DNAJC10: variants seen among roughly 807,000 people sequenced by gnomAD.
DNAJC10 encodes the protein DnaJ heat shock protein family (Hsp40) member C10, also known as endoplasmic reticulum disulfide reductase DNAJC10.
A neutral mutation model predicts 115.0 loss-of-function variants in DNAJC10; 101 were observed. The observed-to-expected ratio is 0.88, with a 90% CI of 0.75 to 1.04. The LOEUF (loss-of-function observed/expected upper bound fraction) is 1.04, where lower values mean the gene tolerates loss of function less well. Among genes scored for constraint, DNAJC10 ranks in the 50% least tolerant of loss-of-function variants. DNAJC10 has a pLI of 0.00. For synonymous variants in DNAJC10, 307 were observed against 301.5 expected (o/e 1.02, Z -0.19); for missense variants, 981 against 928.8 (o/e 1.06, Z -0.73).
chr2:182,762,593 A>G, intron 21 of DNAJC10, 89 bp from the exon 22 acceptor site: 1 of 1,336,180 alleles, frequency 7.5e-7, no homozygotes, highest in South Asian at 1.3e-5. Flanking sequence ...AAATTCTTAG[A>G]TTCAAAATGT....
At chr2:182,722,996 T>A (rs991343881) in intron 5 of DNAJC10, among the ~76,000 whole-genome samples, 13 of 150,380 alleles carry the variant, frequency 8.6e-5, no homozygotes, top group African/African-American at 3.2e-4. Context: ...TTATTACAGC[T>A]ACTTGATTTT....
intron 22 of DNAJC10, among the ~76,000 whole-genome samples, chr2:182,774,854 C>T (rs1231018933): frequency 6.6e-6 from 1 of 152,240 alleles, no homozygotes; most frequent in African/African-American, 2.4e-5. Flanking sequence ...TTCTCGCCCT[C>T]TGTGGGCTGC....
intron 4 of DNAJC10, among the ~76,000 whole-genome samples, chr2:182,721,230 G>A (rs758839621): frequency 3.5e-4 from 54 of 152,156 alleles, no homozygotes; most frequent in Non-Finnish European, 5.9e-4. Context: ...TAGTAAATAT[G>A]ATTTTTTTTC....
intron 5 of DNAJC10, among the ~76,000 whole-genome samples, chr2:182,722,674 C>T (rs1440460888): frequency 6.6e-6 from 1 of 152,120 alleles, no homozygotes; most frequent in African/African-American, 2.4e-5. Flanking sequence ...CGCGGTGGCT[C>T]ACACCTGTAT....
At position 182,777,330 on chromosome 2, in the gene DNAJC10, A is replaced by AT. The variant is rs1383382362; in HGVS notation, c.*202dup. 2.7e-6 allele frequency: 1 copy of AT among 367,392 alleles called. No individual in the cohort carries two copies. The highest frequency in any genetic ancestry group is 5.1e-6 in the Non-Finnish European group (1 of 196,882). 22.8% of individuals were successfully genotyped at this position (367,392 alleles called of 1,614,324 possible). On this transcript the variant is annotated 3_prime_UTR_variant, in exon 24 of 24. Transcript: ENST00000264065. Reference sequence around the variant, plus strand: ...TTCTGTAAAGGGCCGGTTTATAAATATTTTAGACTTTGCAGGCTATAATAT... The same window carrying AT: ...TTCTGTAAAGGGCCGGTTTATAAATATTTTTAGACTTTGCAGGCTATAATAT...
chr2:182,775,071 C>CTT (rs5836849), intron 22 of DNAJC10, among the ~76,000 whole-genome samples: 3 of 129,374 alleles, frequency 2.3e-5, no homozygotes, highest in African/African-American at 8.8e-5. Context: ...GTCAGTGATG[C>CTT]TTTTTTTTTT....
At chr2:182,770,464 A>G (rs1441633512) in intron 22 of DNAJC10, among the ~76,000 whole-genome samples, 2 of 152,168 alleles carry the variant, frequency 1.3e-5, no homozygotes, top group African/African-American at 4.8e-5. Context: ...ATATTCTTCC[A>G]TTTGTTTGTG....
At position 182,789,878 on chromosome 2, in the gene DNAJC10, T is replaced by C. The variant is rs1695019015; in HGVS notation, c.*12746T>C. 1 of 152,226 alleles carries C rather than the reference T, an allele frequency of 6.6e-6. No individual in the cohort carries two copies. Among genetic ancestry groups the C allele is most frequent in the African/African-American group, 2.4e-5 (1 of 41,458 alleles). 9.4% of individuals were successfully genotyped at this position (152,226 alleles called of 1,614,324 possible). On this transcript the variant is annotated 3_prime_UTR_variant, in exon 24 of 24. Coordinates refer to ENST00000264065, the MANE Select transcript of DNAJC10 (RefSeq NM_018981.4). ...GTATCCCAATGAGTGTGCGTTCATA[T>C]CCCATTGGAGTTTTGATTTGTACTT...
At chr2:182,772,607 A>G (rs1328799484) in intron 22 of DNAJC10, among the ~76,000 whole-genome samples, 1 of 152,020 alleles carries the variant, frequency 6.6e-6, no homozygotes, top group African/African-American at 2.4e-5. Flanking sequence ...TTGGTTTAAA[A>G]TCTGTTTTAT....
intron 14 of DNAJC10, among the ~76,000 whole-genome samples, chr2:182,750,479 G>A (rs138226392): frequency 6.6e-6 from 1 of 152,148 alleles, no homozygotes; most frequent in Non-Finnish European, 1.5e-5. Flanking sequence ...GTGAGAAAAG[G>A]AGCAGGTTTG....
In DNAJC10 at chr2:182,775,350, A is replaced by T. The variant is rs776465904; in HGVS notation, c.2300A>T (p.Asp767Val). 1.2e-6 allele frequency: 2 copies of T among 1,612,910 alleles called. No individual in the cohort carries two copies. The highest frequency in any genetic ancestry group is 1.7e-5 in the Admixed American group (1 of 59,964). The change falls in exon 23 of 24, where the codon GAT (aspartate) becomes GTT (valine). Residue 767 changes from aspartate to valine, a missense_variant. Asp to Val is a radical substitution (Grantham distance 152). Coordinates refer to ENST00000264065, the MANE Select transcript of DNAJC10 (RefSeq NM_018981.4). ...CAAGAAGAGCAGATAAATACCAGAG[A>T]TGCAAAAGCAATCGCTGCCTTAATA... is the stretch of plus-strand genomic sequence containing the variant. ...NFQEEQINTR[D>V]AKAIAALISE... is the part of the protein sequence containing the mutation.
At position 182,755,115 on chromosome 2, in the gene DNAJC10, T is replaced by G. The variant is rs1409084386; in HGVS notation, c.1653+11T>G. 1 of 1,490,728 alleles carries G rather than the reference T, an allele frequency of 6.7e-7. No individual in the cohort carries two copies. 92.3% of individuals were successfully genotyped at this position (1,490,728 alleles called of 1,614,324 possible). On this transcript the variant is annotated intron_variant, in intron 17 of 23. Transcript: ENST00000264065. ...TTGGAGTTCATAGAGGTATTTCAGA[T>G]TATAGACTATGTGACTAGAAATTTG...
At position 182,741,242 on chromosome 2, in the gene DNAJC10, G is replaced by A; in HGVS notation, c.1078-1G>A. 1.3e-6 allele frequency: 2 copies of A among 1,583,290 alleles called. No homozygotes were observed. Among genetic ancestry groups the A allele is most frequent in the Non-Finnish European group, 1.7e-6 (2 of 1,160,004 alleles). On this transcript the variant is annotated splice_acceptor_variant, in intron 12 of 23. Coordinates refer to ENST00000264065, the MANE Select transcript of DNAJC10 (RefSeq NM_018981.4). LOFTEE classifies it high-confidence loss of function. Reference sequence around the variant, plus strand: ...ATTTTGTTTTCTTTATCACTTTTAAGGATCGTTTGGCTCATCATCGGTGGC... The same window carrying A: ...ATTTTGTTTTCTTTATCACTTTTAAAGATCGTTTGGCTCATCATCGGTGGC...
At chr2:182,762,567 T>C (rs1056248473) in intron 21 of DNAJC10, 115 bp from the exon 22 acceptor site, 16 of 1,113,832 alleles carry the variant, frequency 1.4e-5, no homozygotes, top group African/African-American at 1.1e-4. Flanking sequence ...GTAGGAAGAA[T>C]TAAAGTTTTT....
At position 182,778,768 on chromosome 2, in the gene DNAJC10, A is replaced by G. The variant is rs1490315627; in HGVS notation, c.*1636A>G. The G allele has an allele frequency of 6.6e-6, 1 of 152,248 alleles. No individual in the cohort carries two copies. The highest frequency in any genetic ancestry group is 1.5e-5 in the Non-Finnish European group (1 of 68,042). 9.4% of individuals were successfully genotyped at this position (152,248 alleles called of 1,614,324 possible). The stretch of plus-strand genomic sequence containing the variant: ...AACACCAGCTTTTTGAATTATGATC[A>G]GTAATGGCAAGAGCCTTTCATTCTC... On this transcript the variant is annotated 3_prime_UTR_variant, in exon 24 of 24. Transcript: ENST00000264065.
chr2:182,766,560 G>A (rs1694418228), intron 22 of DNAJC10, among the ~76,000 whole-genome samples: 1 of 152,128 alleles, frequency 6.6e-6, no homozygotes, highest in Non-Finnish European at 1.5e-5. Context: ...TGGCTTTCTT[G>A]CTACCCACAG....
At position 182,722,997 on chromosome 2, in the gene DNAJC10, A is replaced by G. The variant is rs140048174; in HGVS notation, c.418+922A>G. ...TTATCGTTAAAAATTTATTACAGCTACTTGATTTTATACAGTTTGTTCCTT... is the reference window on the plus strand; with the variant it reads ...TTATCGTTAAAAATTTATTACAGCTGCTTGATTTTATACAGTTTGTTCCTT... On this transcript the variant is annotated intron_variant, in intron 5 of 23. Coordinates refer to ENST00000264065, the MANE Select transcript of DNAJC10 (RefSeq NM_018981.4). 3.0e-3 allele frequency among the ~76,000 whole-genome samples: 444 copies of G among 147,700 alleles called. 1 individual carries two copies. Among genetic ancestry groups the G allele is most frequent in the Non-Finnish European group, 4.4e-3 (296 of 66,998 alleles).
intron 11 of DNAJC10, among the ~76,000 whole-genome samples, chr2:182,738,918 C>T (rs960670327): frequency 6.6e-6 from 1 of 151,968 alleles, no homozygotes; most frequent in Non-Finnish European, 1.5e-5. Flanking sequence ...CTAGATAAGA[C>T]AGCAGTCCTT....
chr2:182,742,047 C>T (rs541396725), intron 13 of DNAJC10, among the ~76,000 whole-genome samples: 65 of 152,178 alleles, frequency 4.3e-4, no homozygotes, highest in African/African-American at 1.4e-3. Context: ...TGTATATCCT[C>T]CTTATTCCCT....
Sources: allele counts gnomAD v4.1 joint callset (sites outside exome capture counted in the v4.1 genomes callset), GRCh38; gene constraint gnomAD v4.1.1; transcripts MANE v1.5; gene names NCBI Gene and HGNC (gene_info 2026-07-23, HGNC 2026-07-21).